The following RLF variants were observed in gnomAD, a reference collection of about 807,000 sequenced individuals.
RLF encodes the protein zinc finger protein Rlf.
A neutral mutation model predicts 162.9 loss-of-function variants in RLF; 7 were observed. That is an observed-to-expected ratio of 0.04 (90% CI 0.02 to 0.08). The LOEUF is 0.08. RLF is among the 10% of genes least tolerant of loss of function. The pLI is 1.00. For synonymous variants in RLF, 782 were observed against 791.5 expected, an observed-to-expected ratio of 0.99 and a Z score of 0.20; for missense variants, 1,664 against 2,244.7, an observed-to-expected ratio of 0.74 and a Z score of 5.23.
chr1:40,165,902 C>T (rs1642159390), intron 1 of RLF, among the ~76,000 whole-genome samples: 1 of 152,152 alleles, frequency 6.6e-6, no homozygotes, highest in African/African-American at 2.4e-5. Context: ...TGGTTTGATC[C>T]CACCTTCACC....
chr1:40,239,304 T>C lies in RLF; in HGVS notation c.4602T>C (p.Ala1534=), dbSNP rs1383962127. 1.2e-6 allele frequency: 2 copies of C among 1,614,010 alleles called. No individual in the cohort carries two copies. The highest frequency in any genetic ancestry group is 2.7e-5 in the African/African-American group (2 of 74,920). Residue 1534 remains alanine (A), a synonymous_variant, in exon 8 of 8, where the codon GCT becomes GCC. Coordinates refer to ENST00000372771, the MANE Select transcript of RLF (RefSeq NM_012421.4). ...CCCCAATAAGTTTTAAAACCAGAGC[T>C]GAGGCCCTCCATATGTGTGTGGAGC... The part of the protein sequence containing the change: ...KKAPISFKTR[A]EALHMCVEHS...
intron 7 of RLF, 40 bp downstream of exon 7, chr1:40,231,698 G>GC: frequency 6.4e-7 from 1 of 1,550,436 alleles, no homozygotes; most frequent in Non-Finnish European, 8.7e-7. Flanking sequence ...GTAGCTGGAG[G>GC]AAAGAAATGA....
chr1:40,182,303 G>A (rs879558028), intron 1 of RLF, among the ~76,000 whole-genome samples: 3 of 152,014 alleles, frequency 2.0e-5, no homozygotes, highest in Admixed American at 6.5e-5. Context: ...GCATGGTGGC[G>A]GGCGCCTGTA....
intron 5 of RLF, among the ~76,000 whole-genome samples, chr1:40,217,358 C>G (rs1297711149): frequency 6.6e-6 from 1 of 151,868 alleles, no homozygotes; most frequent in Non-Finnish European, 1.5e-5. Context: ...TCCCAGCTAC[C>G]TTGGAGGCTG....
intron 1 of RLF, among the ~76,000 whole-genome samples, chr1:40,185,517 TAAAAAAAAAAAA>T (rs769379758): frequency 8.4e-5 from 2 of 23,748 alleles, no homozygotes; most frequent in East Asian, 4.2e-3. Context: ...AATCTTGCAT[TAAAAAAAAAAAA>T]AAAAAAAAAA....
At chr1:40,218,637 A>G (rs144767264) in intron 5 of RLF, among the ~76,000 whole-genome samples, 1 of 152,152 alleles carries the variant, frequency 6.6e-6, no homozygotes, top group East Asian at 1.9e-4. Flanking sequence ...CTAGACTGCT[A>G]TCTCCCCGAG....
chr1:40,177,266 G>A (rs1163857619), intron 1 of RLF, among the ~76,000 whole-genome samples: 2 of 151,894 alleles, frequency 1.3e-5, no homozygotes, highest in South Asian at 2.1e-4. Context: ...CACCACAACC[G>A]GCCTTAACAG....
At chr1:40,175,800 AAAG>A (rs201730199) in intron 1 of RLF, among the ~76,000 whole-genome samples, 45 of 150,742 alleles carry the variant, frequency 3.0e-4, no homozygotes, top group African/African-American at 1.1e-3. Flanking sequence ...AAAAAAAAAA[AAAG>A]TACAATTTGG....
rs1643280302 is a variant in RLF at position 40,240,551 on chromosome 1, A to AC, written c.*104_*105insC. The stretch of plus-strand genomic sequence containing the variant: ...AAGCAGCCACACCGTTGTTTAGGGT[A>AC]GAATAGGCTGTGTATTTACATGAAT... On this transcript the variant is annotated 3_prime_UTR_variant, in exon 8 of 8. Coordinates refer to ENST00000372771, the MANE Select transcript of RLF (RefSeq NM_012421.4). The AC allele has an allele frequency of 3.8e-5, 29 of 769,396 alleles. No homozygotes were observed. The highest frequency in any genetic ancestry group is 5.4e-5 in the Non-Finnish European group (25 of 462,148). The allele number at this position is 769,396 out of a possible 1,614,324, so 47.7% of individuals were successfully genotyped here. A position where few individuals can be genotyped will look rare whatever the true frequency, so the allele number is the denominator to read the frequency against.
At chr1:40,176,385 T>C (rs1054810671) in intron 1 of RLF, among the ~76,000 whole-genome samples, 2 of 152,252 alleles carry the variant, frequency 1.3e-5, no homozygotes, top group Non-Finnish European at 2.9e-5. Flanking sequence ...CCAGTGTTTT[T>C]CATTTTAGCC....
At position 40,240,248 on chromosome 1, in the gene RLF, C is replaced by G; in HGVS notation, c.5546C>G (p.Ala1849Gly). The G allele has an allele frequency of 1.2e-6, 2 of 1,614,144 alleles. No individual in the cohort carries two copies. Among genetic ancestry groups the G allele is most frequent in the Non-Finnish European group, 1.7e-6 (2 of 1,180,016 alleles). The part of the protein sequence containing the change: ...NLTAIPPLIV[A>G]ETTTVPSLEN... ...ACTGCAATCCCACCTTTAATAGTAG[C>G]TGAAACAACAACAGTTCCTTCCTTG... The change falls in exon 8 of 8, where the codon GCT becomes GGT. Residue 1849 changes from alanine (A) to glycine (G), a missense_variant. Ala to Gly is a moderately conservative substitution (Grantham distance 60). Coordinates refer to ENST00000372771, the MANE Select transcript of RLF (RefSeq NM_012421.4).
chr1:40,180,268 C>CT (rs922853820), intron 1 of RLF, among the ~76,000 whole-genome samples: 6 of 151,824 alleles, frequency 4.0e-5, no homozygotes, highest in Non-Finnish European at 5.9e-5. Context: ...CTTTTCTTTT[C>CT]TTTTTTTTGA....
At position 40,231,500 on chromosome 1, in the gene RLF, ATCT is replaced by A. The variant is rs768886964; in HGVS notation, c.948-12_948-10del. 27 of 1,605,230 alleles carry A rather than the reference ATCT, an allele frequency of 1.7e-5. No homozygotes were observed. In the Admixed American group the frequency reaches 2.1e-4, roughly 12 times the overall value. Reference sequence around the variant, plus strand: ...CAGTTACTTTAAATGTTTTACCATGATCTTCTTTTTTTATAGGGAACTGACTCT... The same window carrying A: ...CAGTTACTTTAAATGTTTTACCATGATCTTTTTTTATAGGGAACTGACTCT... On this transcript the variant is annotated splice_polypyrimidine_tract_variant and intron_variant, in intron 6 of 7. Transcript: ENST00000372771.
intron 5 of RLF, among the ~76,000 whole-genome samples, chr1:40,212,917 A>G (rs776677862): frequency 6.6e-6 from 1 of 152,180 alleles, no homozygotes; most frequent in African/African-American, 2.4e-5. Context: ...TTAAGTAAGA[A>G]TCAAGATTAA....
At chr1:40,221,917 A>AAAAAAAAAGAG (rs1486982312) in intron 5 of RLF, among the ~76,000 whole-genome samples, 7 of 150,372 alleles carry the variant, frequency 4.7e-5, no homozygotes, top group African/African-American at 1.5e-4. Flanking sequence ...AAAAAAAAAA[A>AAAAAAAAAGAG]AGAGAAAGGA....
At chr1:40,217,447 GGCCACGGA>G (rs1642938760) in intron 5 of RLF, among the ~76,000 whole-genome samples, 1 of 151,916 alleles carries the variant, frequency 6.6e-6, no homozygotes, top group African/African-American at 2.4e-5. Context: ...CTCTAGCCTG[GGCCACGGA>G]GCAAGACCCT....
At chr1:40,201,462 T>TA (rs1642718907) in intron 4 of RLF, among the ~76,000 whole-genome samples, 1 of 151,586 alleles carries the variant, frequency 6.6e-6, no homozygotes, top group South Asian at 2.1e-4. Flanking sequence ...CCGTCTCTAC[T>TA]AAAAATACAA....
chr1:40,180,100 A>C (rs537737662), intron 1 of RLF, among the ~76,000 whole-genome samples: 1 of 152,210 alleles, frequency 6.6e-6, no homozygotes, highest in African/African-American at 2.4e-5. Flanking sequence ...GGATGTGTAC[A>C]CTGAAATGAA....
In RLF at chr1:40,166,238, G is replaced by T. The variant is rs372680510; in HGVS notation, c.237+4602G>T. Among the ~76,000 whole-genome samples, 13 of 151,908 alleles carry T rather than the reference G, an allele frequency of 8.6e-5. 1 individual carries two copies. The highest frequency in any genetic ancestry group is 3.9e-4 in the East Asian group (2 of 5,194). On this transcript the variant is annotated intron_variant, in intron 1 of 7. Transcript: ENST00000372771. Reference sequence around the variant, plus strand: ...ACAAAACTAATTTGTTAAATCAATTGTAGGGACTTCATGATACACACATGA... The same window carrying T: ...ACAAAACTAATTTGTTAAATCAATTTTAGGGACTTCATGATACACACATGA...
Sources: gnomAD v4.1 joint callset for allele counts (sites outside exome capture counted in the v4.1 genomes callset) on GRCh38, gnomAD v4.1.1 for gene constraint, MANE v1.5 for transcripts, NCBI Gene and HGNC (gene_info 2026-07-23, HGNC 2026-07-21) for gene names.